Variants in ALG5 observed in about 807,000 individuals in gnomAD.
ALG5 encodes dolichyl-phosphate beta-glucosyltransferase.
ALG5 carries 26 observed loss-of-function variants against 51.8 expected under a neutral mutation model. The ratio of observed to expected loss-of-function variants is 0.50; its 90% CI spans 0.37 to 0.70. The LOEUF is 0.70. Ranked by LOEUF, ALG5 falls within the 30% of genes least tolerant of loss-of-function variation. The pLI, the probability that ALG5 is intolerant of heterozygous loss-of-function variation, is 0.00. For synonymous variants in ALG5, 141 were observed against 136.1 expected (o/e 1.04, Z -0.25); for missense variants, 311 against 399.3 (o/e 0.78, Z 1.88).
At chr13:36,951,686 AGTT>A (rs2058818490) in intron 9 of ALG5, among the ~76,000 whole-genome samples, 1 of 152,252 alleles carries the variant, frequency 6.6e-6, no homozygotes, top group Admixed American at 6.5e-5. Flanking sequence ...ATAGATTTCA[AGTT>A]ATTATAGAGT....
chr13:36,996,726 A>G (rs1045812146), intron 1 of ALG5, among the ~76,000 whole-genome samples: 6 of 152,252 alleles, frequency 3.9e-5, no homozygotes, highest in Admixed American at 3.9e-4. Context: ...AAGGTATTTT[A>G]GGGTAAATGA....
At chr13:36,985,134 T>C (rs2058996508) in intron 6 of ALG5, among the ~76,000 whole-genome samples, 1 of 151,818 alleles carries the variant, frequency 6.6e-6, no homozygotes, top group South Asian at 2.1e-4. Flanking sequence ...TTTCTCTAAA[T>C]GGCTTTTAAA....
chr13:36,968,412 T>G (rs1273065575), intron 7 of ALG5, among the ~76,000 whole-genome samples: 1 of 152,194 alleles, frequency 6.6e-6, no homozygotes, highest in Non-Finnish European at 1.5e-5. Context: ...CAAAGACTCT[T>G]TAAACAAAAA....
chr13:36,962,145 C>T (rs1337460239), intron 8 of ALG5, among the ~76,000 whole-genome samples: 2 of 152,156 alleles, frequency 1.3e-5, no homozygotes, highest in Non-Finnish European at 2.9e-5. Flanking sequence ...TACCTAGAAA[C>T]TCTATTTGAT....
chr13:36,981,745 C>A (rs4943440), intron 6 of ALG5, among the ~76,000 whole-genome samples: 53,254 of 152,036 alleles, frequency 0.35, 10,521 homozygotes, highest in East Asian at 0.72. Flanking sequence ...CACGAACAGA[C>A]ACATCTTCAG....
intron 8 of ALG5, 107 bp from the exon 9 acceptor site, chr13:36,952,706 A>G (rs1566055666): frequency 3.4e-6 from 2 of 591,800 alleles, no homozygotes; most frequent in East Asian, 3.4e-5. Context: ...TATAAAGCTT[A>G]TACCATAAAT....
intron 3 of ALG5, 94 bp from the exon 4 acceptor site, chr13:36,993,766 G>T: frequency 1.1e-6 from 1 of 935,046 alleles, no homozygotes; most frequent in Non-Finnish European, 1.7e-6. Flanking sequence ...AACTGCTTTA[G>T]TGTTGATACA....
rs1327771650 is a variant in ALG5 at position 36,949,758 on chromosome 13, T to C, written c.*184A>G. 3 of 429,262 alleles carry C rather than the reference T, an allele frequency of 7.0e-6. No individual in the cohort carries two copies. Among genetic ancestry groups the C allele is most frequent in the Admixed American group, 4.0e-5 (1 of 24,932 alleles). The allele number at this position is 429,262 out of a possible 1,614,324, so 26.6% of individuals were successfully genotyped here. A position where few individuals can be genotyped will look rare whatever the true frequency, so the allele number is the denominator to read the frequency against. Reference sequence around the variant, plus strand: ...AAATCTGACTTTTTAAATAAACATCTTTTAAAAATCATTTATATCCAAAGA... The same window carrying C: ...AAATCTGACTTTTTAAATAAACATCCTTTAAAAATCATTTATATCCAAAGA... On this transcript the variant is annotated 3_prime_UTR_variant, in exon 10 of 10. Coordinates refer to ENST00000239891, the MANE Select transcript of ALG5 (RefSeq NM_013338.5).
chr13:36,960,493 G>C (rs189598309), intron 8 of ALG5, among the ~76,000 whole-genome samples: 3 of 152,056 alleles, frequency 2.0e-5, no homozygotes, highest in South Asian at 2.1e-4. Context: ...TTGAAGCAAA[G>C]TTCATTTCAA....
chr13:36,998,099 C>A (rs1187206319), intron 1 of ALG5, among the ~76,000 whole-genome samples: 2 of 152,124 alleles, frequency 1.3e-5, no homozygotes, highest in African/African-American at 4.8e-5. Flanking sequence ...CTAGTGGGAA[C>A]AAATACCGTC....
intron 3 of ALG5, 107 bp from the exon 4 acceptor site, chr13:36,993,779 T>C: frequency 3.7e-6 from 3 of 818,794 alleles, no homozygotes; most frequent in East Asian, 2.5e-5. Flanking sequence ...TTGATACATA[T>C]AAATTTGAAT....
chr13:36,995,312 TCAACACAGCC>T (rs2138831671), intron 2 of ALG5, 103 bp downstream of exon 2: 1 of 1,143,554 alleles, frequency 8.7e-7, no homozygotes, highest in African/African-American at 1.6e-5. Context: ...AACTGTGTGC[TCAACACAGCC>T]CACATCTATT....
chr13:36,975,916 G>A (rs2058948077), intron 6 of ALG5, among the ~76,000 whole-genome samples: 4 of 151,496 alleles, frequency 2.6e-5, no homozygotes, highest in African/African-American at 7.3e-5. Context: ...AGCTACTCGG[G>A]AGGCCAAGGC....
In ALG5 at chr13:36,995,424, C is replaced by T. The variant is rs1566068987; in HGVS notation, c.238+1G>A. The T allele has an allele frequency of 6.2e-7, 1 of 1,606,936 alleles. No homozygotes were observed. Reference sequence around the variant, plus strand: ...ACCAAAAAAATCAAAACAGGGCTTACACCGTTTTTCTTCATTGTATGAAGG... The same window carrying T: ...ACCAAAAAAATCAAAACAGGGCTTATACCGTTTTTCTTCATTGTATGAAGG... On this transcript the variant is annotated splice_donor_variant, in intron 2 of 9. Transcript: ENST00000239891. LOFTEE classifies it high-confidence loss of function.
chr13:36,960,544 G>A (rs957059379), intron 8 of ALG5, among the ~76,000 whole-genome samples: 1 of 152,036 alleles, frequency 6.6e-6, no homozygotes, highest in South Asian at 2.1e-4. Context: ...ACAGGGTCTC[G>A]TTCTATCACC....
chr13:36,964,867 G>A (rs1437703481), intron 8 of ALG5, among the ~76,000 whole-genome samples: 1 of 150,640 alleles, frequency 6.6e-6, no homozygotes, highest in African/African-American at 2.4e-5. Context: ...GGAGGTTGCA[G>A]TGAGCTGAAA....
At chr13:36,970,429 G>A (rs2058916916) in intron 7 of ALG5, among the ~76,000 whole-genome samples, 3 of 151,708 alleles carry the variant, frequency 2.0e-5, no homozygotes, top group Admixed American at 2.0e-4. Flanking sequence ...TGGTGAAACT[G>A]CCTCTACTAA....
At chr13:36,958,044 T>C (rs2058848589) in intron 8 of ALG5, among the ~76,000 whole-genome samples, 1 of 152,132 alleles carries the variant, frequency 6.6e-6, no homozygotes. Context: ...GAGACAACGC[T>C]AGCTATTCCT....
At chr13:36,977,941 C>T (rs1328139642) in intron 6 of ALG5, among the ~76,000 whole-genome samples, 1 of 144,940 alleles carries the variant, frequency 6.9e-6, no homozygotes. Flanking sequence ...GGCTGGAGTA[C>T]AGTGGCAAGA....
Sources: gnomAD v4.1 joint callset for allele counts (sites outside exome capture counted in the v4.1 genomes callset) on GRCh38, gnomAD v4.1.1 for gene constraint, MANE v1.5 for transcripts, NCBI Gene and HGNC (gene_info 2026-07-23, HGNC 2026-07-21) for gene names.